NAALADL2: variants seen among roughly 807,000 people sequenced by gnomAD.
NAALADL2 encodes the protein N-acetylated alpha-linked acidic dipeptidase like 2.
NAALADL2 carries 76 observed loss-of-function variants against 87.2 expected under a neutral mutation model. The ratio of observed to expected loss-of-function variants is 0.87; its 90% CI spans 0.72 to 1.05. NAALADL2 has a LOEUF of 1.05. Ranked by LOEUF, NAALADL2 falls within the 50% of genes least tolerant of loss-of-function variation. The pLI is 0.00. For synonymous variants in NAALADL2, 354 were observed against 331.0 expected (o/e 1.07, Z -0.75); for missense variants, 1,089 against 945.8 (o/e 1.15, Z -1.99).
In NAALADL2 at chr3:175,159,536, ATC is replaced by A. The variant is rs571311754; in HGVS notation, c.545+62250_545+62251del. 2.6e-3 allele frequency among the ~76,000 whole-genome samples: 392 copies of A among 152,282 alleles called. 1 individual carries two copies. The highest frequency in any genetic ancestry group is 9.1e-3 in the African/African-American group (379 of 41,574). ...TGACAGGAAGTGAAATAATTTTGTA[ATC>A]TCTCAATATTTTCATAATTTTTAGT... On this transcript the variant is annotated intron_variant, in intron 2 of 13. Coordinates refer to ENST00000454872, the MANE Select transcript of NAALADL2 (RefSeq NM_207015.3).
intron 1 of NAALADL2, among the ~76,000 whole-genome samples, chr3:174,882,755 G>GTA (rs1181734175): frequency 1.0e-4 from 14 of 138,280 alleles, no homozygotes. Context: ...ATACACACGT[G>GTA]TATATATACA....
At chr3:175,160,275 T>C (rs1227914467) in intron 2 of NAALADL2, among the ~76,000 whole-genome samples, 2 of 151,340 alleles carry the variant, frequency 1.3e-5, no homozygotes, top group African/African-American at 4.8e-5. Flanking sequence ...AAATTTGTTT[T>C]ACAAGGGGCT....
At chr3:175,384,021 C>T (rs2148994826) in intron 5 of NAALADL2, among the ~76,000 whole-genome samples, 1 of 152,138 alleles carries the variant, frequency 6.6e-6, no homozygotes, top group South Asian at 2.1e-4. Flanking sequence ...TTACTTCTTG[C>T]CTCAAGGCTC....
At chr3:175,662,669 TA>T (rs1732424305) in intron 11 of NAALADL2, among the ~76,000 whole-genome samples, 1 of 151,920 alleles carries the variant, frequency 6.6e-6, no homozygotes, top group Non-Finnish European at 1.5e-5. Context: ...TCTTCCACAA[TA>T]AAACCCAATT....
intron 2 of NAALADL2, among the ~76,000 whole-genome samples, chr3:174,659,942 CT>C (rs1444187624): frequency 6.6e-6 from 1 of 152,060 alleles, no homozygotes; most frequent in Non-Finnish European, 1.5e-5. Context: ...CCTTTGTTTC[CT>C]TTTGGGACCC....
intron 11 of NAALADL2, among the ~76,000 whole-genome samples, chr3:175,706,580 A>G (rs1739757795): frequency 6.6e-6 from 1 of 152,184 alleles, no homozygotes; most frequent in Non-Finnish European, 1.5e-5. Context: ...GCAGGTTAAG[A>G]GGAACTACTG....
intron 3 of NAALADL2, among the ~76,000 whole-genome samples, chr3:174,822,365 T>C (rs1183790827): frequency 1.3e-5 from 2 of 152,196 alleles, no homozygotes; most frequent in Non-Finnish European, 2.9e-5. Context: ...CTAGAAAAGC[T>C]AGAAGTCTGG....
chr3:174,653,991 T>G (rs541027500), intron 2 of NAALADL2, among the ~76,000 whole-genome samples: 13 of 152,016 alleles, frequency 8.6e-5, no homozygotes, highest in African/African-American at 3.1e-4. Flanking sequence ...CAGCTGCAAC[T>G]TATCTCAGGA....
At chr3:174,665,061 C>T (rs141369690) in intron 2 of NAALADL2, among the ~76,000 whole-genome samples, 1 of 152,194 alleles carries the variant, frequency 6.6e-6, no homozygotes, top group Non-Finnish European at 1.5e-5. Context: ...AGACTCTAAA[C>T]TCAGTCTTGT....
chr3:175,645,593 T>A (rs73881333), intron 11 of NAALADL2, among the ~76,000 whole-genome samples: 1,533 of 150,590 alleles, frequency 0.01, 25 homozygotes, highest in African/African-American at 0.035. Context: ...AGAAAAAGAG[T>A]CAAGCAGAGA....
At chr3:175,729,576 C>T (rs566702153) in intron 11 of NAALADL2, among the ~76,000 whole-genome samples, 3 of 152,264 alleles carry the variant, frequency 2.0e-5, no homozygotes, top group South Asian at 2.1e-4. Context: ...AAACACCAAT[C>T]GGTAACCAAT....
intron 9 of NAALADL2, among the ~76,000 whole-genome samples, chr3:175,568,149 T>A (rs565863837): frequency 6.6e-6 from 1 of 152,200 alleles, no homozygotes; most frequent in Non-Finnish European, 1.5e-5. Flanking sequence ...GATATTTTGT[T>A]TATGAGAAGC....
intron 1 of NAALADL2, among the ~76,000 whole-genome samples, chr3:174,471,417 A>G (rs1010248776): frequency 6.6e-5 from 10 of 152,110 alleles, no homozygotes; most frequent in Admixed American, 6.5e-4. Context: ...ATCCTCACGC[A>G]TGGTACTAGA....
chr3:175,544,194 G>A (rs766921037), intron 9 of NAALADL2, among the ~76,000 whole-genome samples: 24 of 152,270 alleles, frequency 1.6e-4, no homozygotes, highest in Middle Eastern at 3.4e-3. Flanking sequence ...ATAATTGCTA[G>A]ACAAAGCAAG....
chr3:174,652,479 G>T (rs1724465992), intron 2 of NAALADL2, among the ~76,000 whole-genome samples: 1 of 152,146 alleles, frequency 6.6e-6, no homozygotes, highest in Non-Finnish European at 1.5e-5. Flanking sequence ...CATGGCAGAA[G>T]GTGAAGGAAG....
At chr3:174,772,910 G>T (rs1714759112) in intron 3 of NAALADL2, among the ~76,000 whole-genome samples, 2 of 152,086 alleles carry the variant, frequency 1.3e-5, no homozygotes, top group African/African-American at 4.8e-5. Flanking sequence ...AATTCTAAAA[G>T]GTGTTAAAGG....
intron 5 of NAALADL2, among the ~76,000 whole-genome samples, chr3:175,442,872 G>A (rs1026990402): frequency 3.3e-5 from 5 of 152,098 alleles, no homozygotes; most frequent in Admixed American, 6.6e-5. Flanking sequence ...ATGTAGTGTC[G>A]CAGTCTTTTT....
rs1754693607 is a variant in NAALADL2 at position 175,806,275 on chromosome 3, C to T, written c.*3072C>T. 1 of 151,760 alleles carries T rather than the reference C, an allele frequency of 6.6e-6. No homozygotes were observed. The highest frequency in any genetic ancestry group is 1.5e-5 in the Non-Finnish European group (1 of 67,852). The allele number at this position is 151,760 out of a possible 1,614,324, so 9.4% of individuals were successfully genotyped here. A position where few individuals can be genotyped will look rare whatever the true frequency, so the allele number is the denominator to read the frequency against. On this transcript the variant is annotated 3_prime_UTR_variant, in exon 14 of 14. Coordinates refer to ENST00000454872, the MANE Select transcript of NAALADL2 (RefSeq NM_207015.3). ...TGAGAGAAAGTGGGGAGAATCCTTA[C>T]AGAACACCAGAAGTCAGGAAGAAGG... is the stretch of plus-strand genomic sequence containing the variant.
intron 10 of NAALADL2, among the ~76,000 whole-genome samples, chr3:175,612,045 A>T (rs564718398): frequency 6.6e-6 from 1 of 152,202 alleles, no homozygotes; most frequent in Non-Finnish European, 1.5e-5. Context: ...TAGCCTTTGA[A>T]ATTAAATCTA....
Sources: gnomAD v4.1 joint callset for allele counts (sites outside exome capture counted in the v4.1 genomes callset) on GRCh38, gnomAD v4.1.1 for gene constraint, MANE v1.5 for transcripts, NCBI Gene and HGNC (gene_info 2026-07-23, HGNC 2026-07-21) for gene names.